CREB5: variants seen among roughly 807,000 people sequenced by gnomAD.
CREB5 encodes cyclic AMP-responsive element-binding protein 5.
In CREB5, 19 loss-of-function variants were observed where a neutral mutation model predicts 57.1. That is an observed-to-expected ratio of 0.33 (90% confidence interval 0.23 to 0.49). The LOEUF is 0.49. Ranked by LOEUF, CREB5 falls within the 20% of genes least tolerant of loss-of-function variation. CREB5 has a pLI of 0.99. For missense variants in CREB5, 579 were observed against 671.6 expected, an observed-to-expected ratio of 0.86 and a Z score of 1.52; for synonymous variants, 238 against 238.3, an observed-to-expected ratio of 1.00 and a Z score of 0.01.
intron 5 of CREB5, among the ~76,000 whole-genome samples, chr7:28,676,850 C>T (rs1021655935): frequency 6.6e-6 from 1 of 152,144 alleles, no homozygotes; most frequent in African/African-American, 2.4e-5. Context: ...GCAAAATAAA[C>T]ATCTGGAAAT....
intron 1 of CREB5, among the ~76,000 whole-genome samples, chr7:28,365,243 C>G (rs1405637837): frequency 1.3e-5 from 2 of 152,118 alleles, no homozygotes; most frequent in African/African-American, 4.8e-5. Flanking sequence ...CAATTCCTTA[C>G]CCCTACAACA....
chr7:28,506,010 C>T (rs900320894), intron 3 of CREB5, among the ~76,000 whole-genome samples: 15 of 152,160 alleles, frequency 9.9e-5, no homozygotes, highest in Non-Finnish European at 2.1e-4. Flanking sequence ...CTGTGGTATG[C>T]TCTCTGTGAA....
chr7:28,320,283 A>T (rs780089148), intron 1 of CREB5, among the ~76,000 whole-genome samples: 2 of 152,108 alleles, frequency 1.3e-5, no homozygotes, highest in Admixed American at 1.3e-4. Context: ...CACAAATTAT[A>T]AAGTGTGTAA....
chr7:28,770,605 T>C (rs562619040), intron 7 of CREB5, among the ~76,000 whole-genome samples: 109 of 152,316 alleles, frequency 7.2e-4, no homozygotes, highest in Admixed American at 2.0e-3. Flanking sequence ...GAAAACCCAA[T>C]TGTGGTAAAG....
chr7:28,722,530 A>C (rs1661978388), intron 6 of CREB5, among the ~76,000 whole-genome samples: 1 of 152,194 alleles, frequency 6.6e-6, no homozygotes, highest in South Asian at 2.1e-4. Context: ...CCCTGAACTT[A>C]ATGTACTTAA....
intron 4 of CREB5, among the ~76,000 whole-genome samples, chr7:28,528,388 T>A (rs541699136): frequency 7.2e-4 from 110 of 152,302 alleles, no homozygotes; most frequent in Middle Eastern, 6.8e-3. Flanking sequence ...GTGAAAGCAG[T>A]TTGTAAACTT....
chr7:28,442,472 A>G (rs1789231004), intron 1 of CREB5, among the ~76,000 whole-genome samples: 2 of 151,118 alleles, frequency 1.3e-5, no homozygotes, highest in Admixed American at 6.6e-5. Flanking sequence ...ATCCTCCAGC[A>G]GTGGAATTGA....
chr7:28,517,477 G>A (rs1467379172), intron 4 of CREB5, among the ~76,000 whole-genome samples: 1 of 152,190 alleles, frequency 6.6e-6, no homozygotes, highest in Non-Finnish European at 1.5e-5. Flanking sequence ...TTTAGTATCA[G>A]AACCATGCAG....
At chr7:28,612,630 A>G (rs1282563005) in intron 5 of CREB5, among the ~76,000 whole-genome samples, 3 of 151,608 alleles carry the variant, frequency 2.0e-5, no homozygotes, top group Non-Finnish European at 4.4e-5. Context: ...GTAAAATACC[A>G]CAGAAAGTAG....
chr7:28,335,911 T>A (rs769651941), intron 1 of CREB5, among the ~76,000 whole-genome samples: 6 of 152,166 alleles, frequency 3.9e-5, no homozygotes, highest in Non-Finnish European at 5.9e-5. Flanking sequence ...CATTAAGTGA[T>A]GTTTAATTTT....
At chr7:28,646,178 A>G (rs1159776958) in intron 5 of CREB5, among the ~76,000 whole-genome samples, 1 of 152,102 alleles carries the variant, frequency 6.6e-6, no homozygotes, top group Non-Finnish European at 1.5e-5. Context: ...TTTATTTTCT[A>G]TCGGTTCTGT....
chr7:28,779,014 G>A (rs1367441289), intron 7 of CREB5: 5 of 152,158 alleles, frequency 3.3e-5, no homozygotes. Context: ...CTTACAAAGA[G>A]CTTCTGGTGA....
chr7:28,520,975 T>G lies in CREB5; in HGVS notation c.291+13238T>G, dbSNP rs192447712. 7.2e-5 allele frequency among the ~76,000 whole-genome samples: 11 copies of G among 152,358 alleles called. No homozygotes were observed. The East Asian group carries it at 1.2e-3, about 16-fold the overall frequency. On this transcript the variant is annotated intron_variant, in intron 4 of 10. Transcript: ENST00000357727. ...TGTTTCCAGTCTAATAAGACAGGGT[T>G]TTTTTCTCCTGTGCTCTGGGTCTCT...
At chr7:28,666,652 T>C (rs1045458356) in intron 5 of CREB5, among the ~76,000 whole-genome samples, 6 of 152,068 alleles carry the variant, frequency 3.9e-5, no homozygotes, top group African/African-American at 1.4e-4. Context: ...CATTGCAAGC[T>C]AAATCCCACT....
intron 5 of CREB5, among the ~76,000 whole-genome samples, chr7:28,584,271 T>C (rs984112790): frequency 2.0e-5 from 3 of 152,200 alleles, no homozygotes; most frequent in African/African-American, 7.2e-5. Context: ...TATGTTGTCA[T>C]GATCTGAATT....
At chr7:28,595,316 T>C (rs541199291) in intron 5 of CREB5, among the ~76,000 whole-genome samples, 2 of 152,290 alleles carry the variant, frequency 1.3e-5, no homozygotes, top group South Asian at 4.1e-4. Context: ...TCACCCTCAC[T>C]ATGCCAGATG....
chr7:28,446,179 T>G (rs1449278854), intron 1 of CREB5, among the ~76,000 whole-genome samples: 2 of 152,122 alleles, frequency 1.3e-5, no homozygotes, highest in African/African-American at 4.8e-5. Flanking sequence ...TTGTTTTTGG[T>G]TGGTCTGTTT....
At chr7:28,530,486 G>C (rs1793676497) in intron 4 of CREB5, among the ~76,000 whole-genome samples, 1 of 152,112 alleles carries the variant, frequency 6.6e-6, no homozygotes, top group African/African-American at 2.4e-5. Context: ...TGACTGAAAA[G>C]CTGAAAAAAC....
At chr7:28,375,896 T>G (rs1191713513) in intron 1 of CREB5, among the ~76,000 whole-genome samples, 2 of 152,224 alleles carry the variant, frequency 1.3e-5, no homozygotes, top group Non-Finnish European at 2.9e-5. Context: ...AGTACTATCA[T>G]TACTCCCATT....
Sources: gnomAD v4.1 joint callset for allele counts (sites outside exome capture counted in the v4.1 genomes callset) on GRCh38, gnomAD v4.1.1 for gene constraint, MANE v1.5 for transcripts, NCBI Gene and HGNC (gene_info 2026-07-23, HGNC 2026-07-21) for gene names.